Variants in EIF3H observed in about 807,000 individuals in gnomAD.
EIF3H encodes the protein eukaryotic translation initiation factor 3 subunit H, also known as eIF-3-gamma.
A neutral mutation model predicts 44.2 loss-of-function variants in EIF3H; 26 were observed. The observed-to-expected ratio is 0.59, with a 90% CI of 0.43 to 0.82. The LOEUF (loss-of-function observed/expected upper bound fraction) is 0.82, where lower values mean the gene tolerates loss of function less well. EIF3H is among the 40% of genes least tolerant of loss of function. The pLI is 0.00. For synonymous variants in EIF3H, 166 were observed against 151.9 expected (o/e 1.09, Z -0.68); for missense variants, 359 against 432.8 (o/e 0.83, Z 1.51).
upstream of EIF3H, among the ~76,000 whole-genome samples, chr8:116,757,920 C>T (rs1474241001): frequency 1.3e-5 from 2 of 152,112 alleles, no homozygotes; most frequent in Non-Finnish European, 2.9e-5. Flanking sequence ...CGGGGTTTTG[C>T]CATGTTGGCC....
intron 2 of EIF3H, among the ~76,000 whole-genome samples, chr8:116,711,433 T>TG (rs1444588529): frequency 2.0e-5 from 3 of 152,182 alleles, no homozygotes; most frequent in Non-Finnish European, 4.4e-5. Flanking sequence ...TGCTGGTAGT[T>TG]GGAGGAAGAA....
chr8:116,697,039 C>T (rs1221778590), intron 2 of EIF3H: 1 of 455,416 alleles, frequency 2.2e-6, no homozygotes, highest in Non-Finnish European at 4.4e-6. Flanking sequence ...TCACTGTGGA[C>T]AGCCCTGGCT....
At chr8:116,750,879 G>T (rs1586494600) in intron 1 of EIF3H, among the ~76,000 whole-genome samples, 1 of 152,114 alleles carries the variant, frequency 6.6e-6, no homozygotes, top group Non-Finnish European at 1.5e-5. Flanking sequence ...TCTAAGGAAA[G>T]AAGTTAAAAT....
intron 1 of EIF3H, chr8:116,734,154 A>AT (rs1443838354): frequency 2.5e-6 from 1 of 399,108 alleles, no homozygotes; most frequent in African/African-American, 2.1e-5. Flanking sequence ...GGTGTCCAAG[A>AT]TCCTCACACT....
upstream of EIF3H, among the ~76,000 whole-genome samples, chr8:116,757,691 T>C (rs1815472795): frequency 1.3e-5 from 2 of 151,530 alleles, no homozygotes; most frequent in South Asian, 2.1e-4. Context: ...TAAATGGCAA[T>C]CTTAAGCCCA....
rs745653542 is a variant in EIF3H at position 116,642,943 on chromosome 8, A to G, written c.*2063T>C. The G allele has an allele frequency of 6.6e-6, 1 of 152,280 alleles. No individual in the cohort carries two copies. 9.4% of individuals were successfully genotyped at this position (152,280 alleles called of 1,614,324 possible). On this transcript the variant is annotated 3_prime_UTR_variant, in exon 8 of 8. Coordinates refer to ENST00000521861, the MANE Select transcript of EIF3H (RefSeq NM_003756.3). ...AAGATATAGAAATCTAAACAATCAT[A>G]AAGAATTTAAGAATCACACCTTTAA...
chr8:116,706,228 A>C (rs774593021), intron 2 of EIF3H, among the ~76,000 whole-genome samples: 20 of 152,346 alleles, frequency 1.3e-4, no homozygotes, highest in Non-Finnish European at 2.1e-4. Flanking sequence ...AATAAAACCT[A>C]AACTTCTGTA....
intron 2 of EIF3H, among the ~76,000 whole-genome samples, chr8:116,680,110 G>A (rs1375181896): frequency 3.9e-5 from 2 of 51,144 alleles, no homozygotes; most frequent in Non-Finnish European, 1.1e-4. Context: ...CAGCCGCCCC[G>A]TCTGGGAGGT....
rs188561934 is a variant in EIF3H, at chr8:116,724,681, G to A, written c.289+1335C>T. On this transcript the variant is annotated intron_variant, in intron 2 of 7. Transcript: ENST00000521861. The stretch of plus-strand genomic sequence containing the variant: ...ATATACAAATCACCAACAAGCATAT[G>A]AAAAGATGCTCAACATCAGTAATCA... Among the ~76,000 whole-genome samples, 636 of 152,182 alleles carry A rather than the reference G, an allele frequency of 4.2e-3. 10 individuals are homozygous for A. Among genetic ancestry groups the A allele is most frequent in the Non-Finnish European group, 2.1e-3 (144 of 67,982 alleles).
intron 2 of EIF3H, among the ~76,000 whole-genome samples, chr8:116,716,479 T>C (rs968037155): frequency 6.6e-6 from 1 of 152,126 alleles, no homozygotes; most frequent in African/African-American, 2.4e-5. Context: ...AAATATATTC[T>C]GAGCTCCGTC....
chr8:116,708,896 T>C (rs1814517462), intron 2 of EIF3H, among the ~76,000 whole-genome samples: 1 of 152,074 alleles, frequency 6.6e-6, no homozygotes, highest in Non-Finnish European at 1.5e-5. Flanking sequence ...TTCTAAGCTT[T>C]CCATTTTTTT....
At chr8:116,755,864 A>T, upstream of EIF3H, 2 of 1,595,932 alleles carry the variant, frequency 1.3e-6, no homozygotes, top group Non-Finnish European at 1.7e-6. Context: ...GTCTCGCGTG[A>T]CGTCACTCGC....
rs143317405 is a variant in EIF3H at position 116,662,960 on chromosome 8, T to C, written c.290-3980A>G. Among the ~76,000 whole-genome samples the C allele has an allele frequency of 6.1e-3, 923 of 152,136 alleles. 6 individuals carry two copies. The highest frequency in any genetic ancestry group is 0.02 in the African/African-American group (849 of 41,494). ...AGTTTCTCTCAGGAGTTACATTGGG[T>C]AGGTAGGTAAGGAGAGCACAAGAGA... On this transcript the variant is annotated intron_variant, in intron 2 of 7. Transcript: ENST00000521861.
intron 3 of EIF3H, 77 bp downstream of exon 3, chr8:116,658,736 T>C: frequency 1.3e-6 from 2 of 1,488,816 alleles, no homozygotes; most frequent in Admixed American, 4.0e-5. Context: ...AGACTGCTCT[T>C]AGAGGCAAAA....
chr8:116,674,482 A>G (rs1207436425), intron 2 of EIF3H, among the ~76,000 whole-genome samples: 1 of 152,168 alleles, frequency 6.6e-6, no homozygotes, highest in Non-Finnish European at 1.5e-5. Context: ...AGTCTATGTC[A>G]TAACTCAACA....
rs756333933 is a variant in EIF3H at position 116,658,880 on chromosome 8, G to C, written c.390C>G (p.Thr130=). ...TAAACTGAGAGTCCAGGAGTGCCCG[G>C]GTAACGAATGAGCCATAGTATGTGG... ...YQSTYYGSFV[T]RALLDSQFSY... is the part of the protein sequence containing the mutation. The change falls in exon 3 of 8, where the codon ACC becomes ACG. Residue 130 remains threonine, a synonymous_variant. Transcript: ENST00000521861. 13 of 1,613,798 alleles carry C rather than the reference G, an allele frequency of 8.1e-6. No individual in the cohort carries two copies. The African/African-American group carries it at 1.7e-4, about 22-fold the overall frequency.
intron 4 of EIF3H, 64 bp from the exon 5 acceptor site, chr8:116,656,069 C>A: frequency 1.3e-6 from 2 of 1,490,934 alleles, no homozygotes; most frequent in Non-Finnish European, 1.8e-6. Context: ...CTGACTACTT[C>A]ATAAAATTTA....
intron 3 of EIF3H, 108 bp downstream of exon 3, chr8:116,658,705 A>G: frequency 9.2e-7 from 1 of 1,091,310 alleles, no homozygotes; most frequent in Non-Finnish European, 1.3e-6. Context: ...CAGGGTTGGT[A>G]TTTACTTGAG....
intron 2 of EIF3H, among the ~76,000 whole-genome samples, chr8:116,720,708 C>T (rs564218906): frequency 9.9e-5 from 15 of 152,136 alleles, no homozygotes; most frequent in Middle Eastern, 6.8e-3. Flanking sequence ...AAATGCATAA[C>T]GAAAATCCAG....
Sources: gnomAD v4.1 joint callset for allele counts (sites outside exome capture counted in the v4.1 genomes callset) on GRCh38, gnomAD v4.1.1 for gene constraint, MANE v1.5 for transcripts, NCBI Gene and HGNC (gene_info 2026-07-23, HGNC 2026-07-21) for gene names.